The following COL4A2 variants were observed in gnomAD, a reference collection of about 807,000 sequenced individuals.
COL4A2 encodes collagen alpha-2(IV) chain.
A neutral mutation model predicts 200.2 loss-of-function variants in COL4A2; 99 were observed. The ratio of observed to expected loss-of-function variants is 0.49; its 90% confidence interval spans 0.42 to 0.58. The LOEUF (loss-of-function observed/expected upper bound fraction) is 0.58. Among genes scored for constraint, COL4A2 ranks in the 20% least tolerant of loss-of-function variants. COL4A2 has a pLI of 0.00. For synonymous variants in COL4A2, 897 were observed against 900.6 expected, an observed-to-expected ratio of 1.00 and a Z score of 0.07; for missense variants, 1,950 against 2,314.1, an observed-to-expected ratio of 0.84 and a Z score of 3.23.
intron 4 of COL4A2, among the ~76,000 whole-genome samples, chr13:110,369,985 A>G (rs543489538): frequency 3.2e-4 from 49 of 152,174 alleles, no homozygotes; most frequent in Non-Finnish European, 5.9e-4. Context: ...CCTCATTCTA[A>G]TCACCTTGTT....
intron 30 of COL4A2, 44 bp downstream of exon 30, chr13:110,478,208 T>C: frequency 6.8e-7 from 1 of 1,474,574 alleles, no homozygotes; most frequent in Non-Finnish European, 9.1e-7. Flanking sequence ...TCCTCACTGG[T>C]CCTGCCAAGA....
chr13:110,428,614 G>T, intron 7 of COL4A2, 31 bp downstream of exon 7: 1 of 1,316,908 alleles, frequency 7.6e-7, no homozygotes, highest in Admixed American at 2.8e-5. Flanking sequence ...TGTGCTCCAG[G>T]GACGGGCAGA....
intron 34 of COL4A2, among the ~76,000 whole-genome samples, chr13:110,486,638 G>T (rs1883126673): frequency 6.6e-6 from 1 of 152,204 alleles, no homozygotes; most frequent in African/African-American, 2.4e-5. Context: ...CAGGCTTTGT[G>T]TGAGCAATCA....
chr13:110,375,313 G>A (rs1878189277), intron 4 of COL4A2, among the ~76,000 whole-genome samples: 1 of 152,230 alleles, frequency 6.6e-6, no homozygotes, highest in Non-Finnish European at 1.5e-5. Context: ...ATGGTATTGA[G>A]AGATCAGCGC....
At chr13:110,344,336 A>G (rs1876606271) in intron 3 of COL4A2, among the ~76,000 whole-genome samples, 1 of 152,218 alleles carries the variant, frequency 6.6e-6, no homozygotes, top group African/African-American at 2.4e-5. Flanking sequence ...AGCCTTCATA[A>G]AAGATGGTCT....
At chr13:110,461,719 G>C (rs1270332135) in intron 22 of COL4A2, among the ~76,000 whole-genome samples, 4 of 152,116 alleles carry the variant, frequency 2.6e-5, no homozygotes, top group Non-Finnish European at 5.9e-5. Context: ...ATTTTTAGTA[G>C]AGACAAGGTT....
chr13:110,433,350 G>C (rs1880754237), intron 11 of COL4A2, among the ~76,000 whole-genome samples: 1 of 152,246 alleles, frequency 6.6e-6, no homozygotes, highest in Non-Finnish European at 1.5e-5. Context: ...GTGAGCCTCA[G>C]ATCTCCCCTT....
intron 3 of COL4A2, among the ~76,000 whole-genome samples, chr13:110,321,243 T>G (rs56138716): frequency 8.7e-5 from 11 of 126,958 alleles, no homozygotes; most frequent in Admixed American, 4.4e-4. Flanking sequence ...CACACACACA[T>G]AGAGAGTGTA....
intron 27 of COL4A2, 120 bp from the exon 28 acceptor site, chr13:110,469,097 C>G (rs9559813): frequency 1.8e-6 from 2 of 1,127,406 alleles, no homozygotes; most frequent in African/African-American, 1.6e-5. Flanking sequence ...GGCTGATATT[C>G]CCCCCAGCCT....
intron 4 of COL4A2, among the ~76,000 whole-genome samples, chr13:110,380,703 A>G (rs1878433241): frequency 6.6e-6 from 1 of 151,388 alleles, no homozygotes; most frequent in Non-Finnish European, 1.5e-5. Context: ...TGTCACACCC[A>G]CAAGCTCTAT....
chr13:110,446,705 T>C lies in COL4A2; in HGVS notation c.1012-93T>C, dbSNP rs1022715739. 56 of 1,067,218 alleles carry C rather than the reference T, an allele frequency of 5.2e-5. No individual in the cohort carries two copies. The Admixed American group carries it at 9.8e-4, about 19-fold the overall frequency. 66.1% of individuals were successfully genotyped at this position (1,067,218 alleles called of 1,614,324 possible). A position where few individuals can be genotyped will look rare whatever the true frequency, so the allele number is the denominator to read the frequency against. On this transcript the variant is annotated intron_variant, in intron 17 of 47. Transcript: ENST00000360467. ...AATAGCTGCTCTGCCAGCCTGACGG[T>C]CCACGCTCGGGTTTCTTCTTTGGAA...
At chr13:110,356,488 G>A (rs896299951) in intron 3 of COL4A2, among the ~76,000 whole-genome samples, 3 of 152,182 alleles carry the variant, frequency 2.0e-5, no homozygotes, top group African/African-American at 7.2e-5. Context: ...CATGATGGGT[G>A]TCCCATGAGG....
At chr13:110,380,021 GC>G (rs769085066) in intron 4 of COL4A2, among the ~76,000 whole-genome samples, 11 of 152,178 alleles carry the variant, frequency 7.2e-5, no homozygotes, top group Non-Finnish European at 1.5e-4. Context: ...CCTTGCAATG[GC>G]CTGTGTTGCC....
chr13:110,361,181 A>G (rs967133920), intron 4 of COL4A2, among the ~76,000 whole-genome samples: 4 of 152,256 alleles, frequency 2.6e-5, no homozygotes, highest in Non-Finnish European at 5.9e-5. Context: ...AAGATAGAGC[A>G]TCTGTTTCAA....
intron 20 of COL4A2, among the ~76,000 whole-genome samples, chr13:110,451,926 G>GA (rs1881551203): frequency 6.6e-6 from 1 of 152,244 alleles, no homozygotes; most frequent in Non-Finnish European, 1.5e-5. Flanking sequence ...GACATTGGGA[G>GA]AAAATAAGAG....
chr13:110,479,011 G>T (rs1882799441), intron 30 of COL4A2, among the ~76,000 whole-genome samples: 1 of 152,206 alleles, frequency 6.6e-6, no homozygotes, highest in Non-Finnish European at 1.5e-5. Flanking sequence ...TCCCCCATGT[G>T]GGGCCTCGCC....
At chr13:110,415,814 G>A (rs1223602656) in intron 4 of COL4A2, among the ~76,000 whole-genome samples, 1 of 152,172 alleles carries the variant, frequency 6.6e-6, no homozygotes, top group African/African-American at 2.4e-5. Context: ...TTCCACCTGG[G>A]GCAGACTCTG....
At chr13:110,504,709 G>A (rs985684944) in intron 45 of COL4A2, among the ~76,000 whole-genome samples, 2 of 152,082 alleles carry the variant, frequency 1.3e-5, no homozygotes, top group South Asian at 2.1e-4. Context: ...GGGTTCAAGC[G>A]ATTCTCCTGT....
chr13:110,399,908 G>A (rs1314535406), intron 4 of COL4A2, among the ~76,000 whole-genome samples: 2 of 152,188 alleles, frequency 1.3e-5, no homozygotes, highest in Admixed American at 1.3e-4. Flanking sequence ...AGTTCCATCT[G>A]TAAGATGCTC....
Sources: allele counts gnomAD v4.1 joint callset (sites outside exome capture counted in the v4.1 genomes callset), GRCh38; gene constraint gnomAD v4.1.1; transcripts MANE v1.5; gene names NCBI Gene and HGNC (gene_info 2026-07-23, HGNC 2026-07-21).